BFSP2: variants seen among roughly 807,000 people sequenced by gnomAD.
BFSP2 encodes beaded filament structural protein 2.
A neutral mutation model predicts 44.9 loss-of-function variants in BFSP2; 38 were observed. That is an observed-to-expected ratio of 0.85 (90% CI 0.65 to 1.11). The LOEUF is 1.11. BFSP2 is among the 50% of genes least tolerant of loss of function. The pLI, the probability that BFSP2 is intolerant of heterozygous loss-of-function variation, is 0.00. For synonymous variants in BFSP2, 197 were observed against 209.9 expected, an observed-to-expected ratio of 0.94 and a Z score of 0.53; for missense variants, 525 against 533.0, an observed-to-expected ratio of 0.99 and a Z score of 0.15.
chr3:133,457,688 A>G lies in BFSP2; in HGVS notation c.891+7224A>G, dbSNP rs57667159. Among the ~76,000 whole-genome samples the G allele has an allele frequency of 7.4e-3, 1,127 of 152,358 alleles. 17 individuals carry two copies. The highest frequency in any genetic ancestry group is 0.026 in the African/African-American group (1,078 of 41,576). ...TGACCCATTGCCTGTTTTTACAAAT[A>G]AAGTTTTATTGGAACATGACCATCA... is the stretch of plus-strand genomic sequence containing the variant. On this transcript the variant is annotated intron_variant, in intron 4 of 6. Transcript: ENST00000302334.
intron 1 of BFSP2, among the ~76,000 whole-genome samples, chr3:133,415,358 A>ACCCCTGCCCTCTCTCCCCTACTCC (rs1576561843): frequency 2.6e-5 from 1 of 38,742 alleles, no homozygotes; most frequent in Admixed American, 3.3e-4. Context: ...CCCTCTACTC[A>ACCCCTGCCCTCTCTCCCCTACTCC]CCCCTCTACT....
chr3:133,430,151 A>G lies in BFSP2; in HGVS notation c.490-17166A>G, dbSNP rs376012585. On this transcript the variant is annotated intron_variant, in intron 1 of 6. Transcript: ENST00000302334. ...GTGCCACATTTTCTTAATCCAGTCT[A>G]TCATTGTTGGACATTTGGGTTGGTT... Among the ~76,000 whole-genome samples, 5 of 152,126 alleles carry G rather than the reference A, an allele frequency of 3.3e-5. No individual in the cohort carries two copies. In the South Asian group the frequency reaches 8.3e-4, roughly 25 times the overall value.
At chr3:133,408,629 G>C (rs1386066765) in intron 1 of BFSP2, among the ~76,000 whole-genome samples, 1 of 152,202 alleles carries the variant, frequency 6.6e-6, no homozygotes, top group East Asian at 1.9e-4. Context: ...TACCTCCCAG[G>C]AGGGGACTCG....
chr3:133,416,821 C>CCTCTCCCTTCTATTCACCCCTGTT (rs767166728), intron 1 of BFSP2, among the ~76,000 whole-genome samples: 3,891 of 134,422 alleles, frequency 0.029, 157 homozygotes, highest in African/African-American at 0.058. Flanking sequence ...TCACCCCTGT[C>CCTCTCCCTTCTATTCACCCCTGTT]CTCTCCCCTC....
At chr3:133,470,700 A>G (rs1322502223) in intron 5 of BFSP2, among the ~76,000 whole-genome samples, 1 of 152,222 alleles carries the variant, frequency 6.6e-6, no homozygotes, top group African/African-American at 2.4e-5. Flanking sequence ...CCAAGAACCT[A>G]TTCTGTGCCA....
At position 133,425,682 on chromosome 3, in the gene BFSP2, T is replaced by C. The variant is rs557204024; in HGVS notation, c.490-21635T>C. Among the ~76,000 whole-genome samples, 14 of 151,508 alleles carry C rather than the reference T, an allele frequency of 9.2e-5. No individual in the cohort carries two copies. The South Asian group carries it at 2.7e-3, about 29-fold the overall frequency. ...AGCAAGGATGCTGAAGTCAGTTCCG[T>C]CTCTCTTTCCTGCTATTCTCCTCAC... On this transcript the variant is annotated intron_variant, in intron 1 of 6. Coordinates refer to ENST00000302334, the MANE Select transcript of BFSP2 (RefSeq NM_003571.4).
At chr3:133,433,941 C>G (rs1408388968) in intron 1 of BFSP2, among the ~76,000 whole-genome samples, 1 of 152,208 alleles carries the variant, frequency 6.6e-6, no homozygotes, top group Non-Finnish European at 1.5e-5. Flanking sequence ...AGACACCAGA[C>G]CAACTTAGAC....
At chr3:133,418,019 CCT>C (rs755175033) in intron 1 of BFSP2, among the ~76,000 whole-genome samples, 33 of 146,714 alleles carry the variant, frequency 2.2e-4, no homozygotes, top group Admixed American at 3.3e-4. Flanking sequence ...TCTACTCACC[CCT>C]GTCCTCTCCC....
chr3:133,411,141 C>A (rs1576558340), intron 1 of BFSP2, among the ~76,000 whole-genome samples: 1 of 136,118 alleles, frequency 7.3e-6, no homozygotes, highest in Admixed American at 7.5e-5. Context: ...ACATTAACTG[C>A]AATAGATTGA....
chr3:133,473,611 C>A (rs1364035626), intron 6 of BFSP2, among the ~76,000 whole-genome samples: 1 of 150,808 alleles, frequency 6.6e-6, no homozygotes, highest in East Asian at 1.9e-4. Context: ...TGCGGCCTTC[C>A]GCAGTGTTTG....
Position 133,472,361 on chromosome 3 carries a change from A to G in BFSP2, c.1040A>G (p.Asn347Ser), listed in dbSNP as rs778059197. 7 of 1,612,944 alleles carry G rather than the reference A, an allele frequency of 4.3e-6. No homozygotes were observed. The Admixed American group carries it at 1.0e-4, about 23-fold the overall frequency. Residue 347 changes from asparagine to serine, a missense_variant, in exon 6 of 7, where the codon AAC becomes AGC. Coordinates refer to ENST00000302334, the MANE Select transcript of BFSP2 (RefSeq NM_003571.4). ...CTTTTGTAGAAACGAGGCCTGGAGA[A>G]CACCTTGCACGATGCCAAGCACTGG... ...SLRALKRGLE[N>S]TLHDAKHWHD...
At position 133,400,614 on chromosome 3, in the gene BFSP2, G is replaced by T; in HGVS notation, c.489+42G>T. 1 of 1,561,506 alleles carries T rather than the reference G, an allele frequency of 6.4e-7. No individual in the cohort carries two copies. Among genetic ancestry groups the T allele is most frequent in the Non-Finnish European group, 8.7e-7 (1 of 1,153,618 alleles). On this transcript the variant is annotated intron_variant, in intron 1 of 6. Coordinates refer to ENST00000302334, the MANE Select transcript of BFSP2 (RefSeq NM_003571.4). This position sits in a 1 kb window ranked among gnomAD's most constrained non-coding sequence, Gnocchi z 4.0. ...TGCCAAGGGCTTTGCAGAGGGCTGG[G>T]AGGGGCTGCTGAAGGCAGCGGGTAG...
chr3:133,449,870 C>CA (rs2073940249), intron 3 of BFSP2, among the ~76,000 whole-genome samples: 1 of 150,282 alleles, frequency 6.7e-6, no homozygotes, highest in Non-Finnish European at 1.5e-5. Flanking sequence ...GCCTGGGTGA[C>CA]AGAGTGAGAC....
chr3:133,401,438 A>G (rs2073361948), intron 1 of BFSP2, among the ~76,000 whole-genome samples: 1 of 152,218 alleles, frequency 6.6e-6, no homozygotes, highest in African/African-American at 2.4e-5. Context: ...AGCCACAGGT[A>G]GCTAATGGCT....
intron 1 of BFSP2, among the ~76,000 whole-genome samples, chr3:133,434,268 A>G (rs1047593017): frequency 4.6e-5 from 7 of 152,084 alleles, no homozygotes; most frequent in African/African-American, 1.5e-4. Flanking sequence ...TTTTCAATTC[A>G]TACAAAACCG....
chr3:133,465,734 G>A (rs574312980), intron 4 of BFSP2, among the ~76,000 whole-genome samples: 3 of 152,198 alleles, frequency 2.0e-5, no homozygotes, highest in Non-Finnish European at 2.9e-5. Context: ...GGGACAACTG[G>A]CACTGTCTTA....
intron 1 of BFSP2, among the ~76,000 whole-genome samples, chr3:133,413,947 C>G (rs1268026478): frequency 6.6e-6 from 1 of 151,912 alleles, no homozygotes; most frequent in East Asian, 1.9e-4. Context: ...AAGACAAAGT[C>G]CCCTGCTGAA....
chr3:133,458,921 A>T (rs1242403691), intron 4 of BFSP2, among the ~76,000 whole-genome samples: 1 of 152,180 alleles, frequency 6.6e-6, no homozygotes, highest in Non-Finnish European at 1.5e-5. Context: ...ACCAGGTGCA[A>T]GGCCCTGACT....
intron 1 of BFSP2, among the ~76,000 whole-genome samples, chr3:133,433,268 G>T (rs1010228922): frequency 1.5e-4 from 23 of 152,170 alleles, no homozygotes; most frequent in African/African-American, 5.5e-4. Context: ...TTAGTTTTTT[G>T]ATGGCAGTTC....
Sources: gnomAD v4.1 joint callset for allele counts (sites outside exome capture counted in the v4.1 genomes callset) on GRCh38, gnomAD v4.1.1 for gene constraint, Gnocchi (gnomAD v3.1) non-coding constraint, MANE v1.5 for transcripts, NCBI Gene and HGNC (gene_info 2026-07-23, HGNC 2026-07-21) for gene names.